Variants in P2RX4 observed in about 807,000 individuals in gnomAD.
P2RX4 encodes the protein P2X purinoceptor 4.
A neutral mutation model predicts 48.0 loss-of-function variants in P2RX4; 37 were observed. The observed-to-expected ratio is 0.77, with a 90% CI of 0.59 to 1.01. P2RX4 has a LOEUF of 1.01. Among genes scored for constraint, P2RX4 ranks in the 50% least tolerant of loss-of-function variants. The probability of loss-of-function intolerance (pLI) is 0.00; values close to 1 mark genes in which losing one functional copy is unlikely to be tolerated. For synonymous variants in P2RX4, 200 were observed against 199.7 expected (o/e 1.00, Z -0.01); for missense variants, 501 against 521.4 (o/e 0.96, Z 0.38).
chr12:121,226,065 G>T (rs1288277644), intron 5 of P2RX4, among the ~76,000 whole-genome samples: 2 of 151,552 alleles, frequency 1.3e-5, no homozygotes, highest in African/African-American at 2.4e-5. Flanking sequence ...TAGAGACAGG[G>T]TCTCACCATG....
chr12:121,217,770 A>AG (rs1371062609), intron 2 of P2RX4, among the ~76,000 whole-genome samples: 3 of 150,912 alleles, frequency 2.0e-5, no homozygotes, highest in African/African-American at 4.9e-5. Flanking sequence ...TATAAAAAAA[A>AG]AAAAAAAGAA....
rs1178066693 is a variant in P2RX4, at chr12:121,228,367, CAAAA to C, written c.525-150_525-147del. 7.1e-3 allele frequency among the ~76,000 whole-genome samples: 573 copies of C among 81,008 alleles called. 7 individuals carry two copies. The highest frequency in any genetic ancestry group is 0.025 in the African/African-American group (534 of 21,430). 53.1% of individuals were successfully genotyped at this position (81,008 alleles called of 152,430 possible). On this transcript the variant is annotated intron_variant, in intron 5 of 11. Transcript: ENST00000337233. The stretch of plus-strand genomic sequence containing the variant: ...TCGAGGTGACAGAGTGACTCCATCT[CAAAA>C]AAAAAAAAAAAAAAATATATATATA...
chr12:121,219,642 T>A (rs927120700), intron 2 of P2RX4, among the ~76,000 whole-genome samples: 1 of 105,740 alleles, frequency 9.5e-6, no homozygotes, highest in Non-Finnish European at 2.1e-5. Context: ...GATAGATAGA[T>A]AGATAGATAG....
At chr12:121,231,383 G>A (rs1336864198) in intron 8 of P2RX4, among the ~76,000 whole-genome samples, 1 of 152,184 alleles carries the variant, frequency 6.6e-6, no homozygotes, top group Non-Finnish European at 1.5e-5. Context: ...TATATTCACA[G>A]ATAAGTGCAG....
At chr12:121,221,682 C>T (rs917320941) in intron 2 of P2RX4, among the ~76,000 whole-genome samples, 1 of 152,246 alleles carries the variant, frequency 6.6e-6, no homozygotes, top group African/African-American at 2.4e-5. Flanking sequence ...CTTGAGCCAC[C>T]GCGCCCGACC....
chr12:121,220,823 C>T (rs780061652), intron 2 of P2RX4, among the ~76,000 whole-genome samples: 2 of 152,116 alleles, frequency 1.3e-5, no homozygotes, highest in Non-Finnish European at 2.9e-5. Flanking sequence ...CCTGGCAACC[C>T]GTAAGTGCTT....
Position 121,233,003 on chromosome 12 carries a change from G to T in P2RX4, c.1051G>T (p.Val351Leu). ...SGLALLGMAT[V>L]LCDIIVLYCM... is the part of the protein sequence containing the mutation. ...CACCCTATGCTAAACTCAGGCGACC[G>T]TGCTGTGTGACATCATAGTCCTCTA... The change falls in exon 11 of 12, where the codon GTG becomes TTG. Residue 351 changes from valine to leucine, a missense_variant. Val to Leu is a conservative substitution (Grantham distance 32). Around this residue, in one of 3 missense-constraint regions of P2RX4, gnomAD observed 197 missense variants for 219.5 expected, o/e 0.90. Coordinates refer to ENST00000337233, the MANE Select transcript of P2RX4 (RefSeq NM_002560.3). The T allele has an allele frequency of 6.2e-7, 1 of 1,611,702 alleles. No individual in the cohort carries two copies. The highest frequency in any genetic ancestry group is 8.5e-7 in the Non-Finnish European group (1 of 1,177,848).
At chr12:121,212,824 A>ATATATATATT (rs370835501) in intron 1 of P2RX4, 7 of 32,252 alleles carry the variant, frequency 2.2e-4, no homozygotes, top group African/African-American at 3.4e-4. Flanking sequence ...ATATATATAT[A>ATATATATATT]TTTTTTTTTT....
At chr12:121,223,575 A>T (rs1168924854) in intron 5 of P2RX4, 1 of 174,312 alleles carries the variant, frequency 5.7e-6, no homozygotes. Flanking sequence ...GTAGTCTGTC[A>T]CTCACGAGAA....
At chr12:121,220,468 T>C (rs540857553) in intron 2 of P2RX4, among the ~76,000 whole-genome samples, 1 of 152,058 alleles carries the variant, frequency 6.6e-6, no homozygotes, top group East Asian at 1.9e-4. Flanking sequence ...AAATCCTATC[T>C]CTACTAAAGA....
chr12:121,222,005 G>T (rs371516499), intron 3 of P2RX4, 21 bp downstream of exon 3: 5 of 1,610,694 alleles, frequency 3.1e-6, no homozygotes, highest in Non-Finnish European at 4.2e-6. Context: ...CCCGGGAAGA[G>T]CCCCAGGCCC....
At position 121,221,997 on chromosome 12, in the gene P2RX4, C is replaced by T. The variant is rs374171278; in HGVS notation, c.354+13C>T. ...CCTGTGCCCCGAGGTAGGAGGCCCCCGGGAAGAGCCCCAGGCCCCACACCC... is the reference window on the plus strand; with the variant it reads ...CCTGTGCCCCGAGGTAGGAGGCCCCTGGGAAGAGCCCCAGGCCCCACACCC... On this transcript the variant is annotated intron_variant, in intron 3 of 11. Coordinates refer to ENST00000337233, the MANE Select transcript of P2RX4 (RefSeq NM_002560.3). 1.2e-5 allele frequency: 19 copies of T among 1,612,456 alleles called. No homozygotes were observed. Among genetic ancestry groups the T allele is most frequent in the African/African-American group, 6.7e-5 (5 of 74,914 alleles).
At chr12:121,222,212 G>A (rs373107336) in intron 4 of P2RX4, 46 bp downstream of exon 4, 10 of 1,287,854 alleles carry the variant, frequency 7.8e-6, no homozygotes, top group South Asian at 3.6e-5. Flanking sequence ...TGAGCAGATC[G>A]CCCCCACTGT....
In P2RX4 at chr12:121,222,949, G is replaced by C; in HGVS notation, c.430G>C (p.Val144Leu). The C allele has an allele frequency of 6.2e-7, 1 of 1,609,196 alleles. No individual in the cohort carries two copies. Among genetic ancestry groups the C allele is most frequent in the South Asian group, 1.1e-5 (1 of 90,910 alleles). Residue 144 changes from valine (V) to leucine (L), a missense_variant and splice_region_variant, in exon 5 of 12, where the codon GTC (valine) becomes CTC (leucine). Coordinates refer to ENST00000337233, the MANE Select transcript of P2RX4 (RefSeq NM_002560.3). The part of the protein sequence containing the change: ...AGSAGTHSNG[V>L]STGRCVAFNG... Reference sequence around the variant, plus strand: ...CCCTGCCACCCTTGTGCTTGTAGGAGTCTCAACAGGCAGGTGCGTAGCTTT... The same window carrying C: ...CCCTGCCACCCTTGTGCTTGTAGGACTCTCAACAGGCAGGTGCGTAGCTTT...
rs1390492708 is a variant in P2RX4 at position 121,232,653 on chromosome 12, T to C, written c.1021T>C (p.Ser341Pro). Residue 341 changes from serine (S) to proline (P), a missense_variant, in exon 10 of 12, where the codon TCT becomes CCT. This residue lies in a region of P2RX4 where 197 missense variants were observed against 219.5 expected (regional missense o/e 0.90). Transcript: ENST00000337233. This position sits in a 1 kb window ranked among gnomAD's most constrained non-coding sequence, Gnocchi z 4.3. The stretch of plus-strand genomic sequence containing the variant: ...CATCCCCACTATGATCAACATCGGC[T>C]CTGGCCTGGCACTGCTAGGCATGGT... ...DIIPTMINIG[S>P]GLALLGMATV... The C allele has an allele frequency of 1.2e-6, 2 of 1,613,972 alleles. No homozygotes were observed. The highest frequency in any genetic ancestry group is 2.2e-5 in the South Asian group (2 of 91,082).
At chr12:121,227,318 T>C (rs898529300) in intron 5 of P2RX4, among the ~76,000 whole-genome samples, 21 of 152,148 alleles carry the variant, frequency 1.4e-4, no homozygotes, top group African/African-American at 4.6e-4. Flanking sequence ...AGTGCCAGAT[T>C]CTCCAGGAGA....
rs1270141142 is a variant in P2RX4 at position 121,232,913 on chromosome 12, T to C, written c.1045-84T>C. On this transcript the variant is annotated intron_variant, in intron 10 of 11. Coordinates refer to ENST00000337233, the MANE Select transcript of P2RX4 (RefSeq NM_002560.3). The surrounding 1 kb of genome is among the most constrained non-coding windows in gnomAD (Gnocchi z 4.3). Reference sequence around the variant, plus strand: ...TTCCATTCCGGTAAAGATTCCAGGCTTCTCAGGAAGGGGCACGCAAAGAAT... The same window carrying C: ...TTCCATTCCGGTAAAGATTCCAGGCCTCTCAGGAAGGGGCACGCAAAGAAT... 4 of 1,011,542 alleles carry C rather than the reference T, an allele frequency of 4.0e-6. No individual in the cohort carries two copies. Among genetic ancestry groups the C allele is most frequent in the Non-Finnish European group, 6.3e-6 (4 of 634,224 alleles). 62.7% of individuals were successfully genotyped at this position (1,011,542 alleles called of 1,614,324 possible).
rs1425448836 is a variant in P2RX4 at position 121,222,122 on chromosome 12, C to T, written c.383C>T (p.Ser128Leu). 6.2e-7 allele frequency: 1 copy of T among 1,613,136 alleles called. No individual in the cohort carries two copies. The highest frequency in any genetic ancestry group is 8.5e-7 in the Non-Finnish European group (1 of 1,179,088). Reference sequence around the variant, plus strand: ...CCAGATGCGACCACTGTGTGTAAATCAGATGCCAGCTGTACTGCCGGCTCT... The same window carrying T: ...CCAGATGCGACCACTGTGTGTAAATTAGATGCCAGCTGTACTGCCGGCTCT... ...EIPDATTVCKSDASCTAGSAG... is the reference protein window; with the variant it reads ...EIPDATTVCKLDASCTAGSAG... Residue 128 changes from serine to leucine, a missense_variant, in exon 4 of 12, where the codon TCA (serine) becomes TTA (leucine). Coordinates refer to ENST00000337233, the MANE Select transcript of P2RX4 (RefSeq NM_002560.3).
At chr12:121,221,835 C>T in intron 2 of P2RX4, 78 bp from the exon 3 acceptor site, 3 of 1,222,918 alleles carry the variant, frequency 2.5e-6, no homozygotes, top group Non-Finnish European at 3.6e-6. Flanking sequence ...GAGTTGTCCT[C>T]TTCAGTCAGC....
Sources: gnomAD v4.1 joint callset for allele counts (sites outside exome capture counted in the v4.1 genomes callset) on GRCh38, gnomAD v4.1.1 for gene constraint, gnomAD v4.1.1 regional missense constraint, Gnocchi (gnomAD v3.1) non-coding constraint, MANE v1.5 for transcripts, NCBI Gene and HGNC (gene_info 2026-07-23, HGNC 2026-07-21) for gene names.